The following SKI variants were observed in gnomAD, a reference collection of about 807,000 sequenced individuals.
SKI encodes the protein SKI proto-oncogene.
A neutral mutation model predicts 59.3 loss-of-function variants in SKI; 23 were observed. The observed-to-expected ratio is 0.39, with a 90% confidence interval of 0.28 to 0.55. The LOEUF (loss-of-function observed/expected upper bound fraction) is 0.55. Ranked by LOEUF, SKI falls within the 20% of genes least tolerant of loss-of-function variation. The pLI, the probability that SKI is intolerant of heterozygous loss-of-function variation, is 0.67. For missense variants in SKI, 1,017 were observed against 1,038.9 expected, an observed-to-expected ratio of 0.98 and a Z score of 0.29; for synonymous variants, 673 against 488.6, an observed-to-expected ratio of 1.38 and a Z score of -4.98.
intron 1 of SKI, among the ~76,000 whole-genome samples, chr1:2,240,151 C>G (rs1404514073): frequency 6.6e-6 from 1 of 152,216 alleles, no homozygotes; most frequent in Non-Finnish European, 1.5e-5. Context: ...GGGAGGTGGC[C>G]AGGACCCCGC....
chr1:2,291,164 G>T (rs1459980299), intron 1 of SKI, among the ~76,000 whole-genome samples: 1 of 151,168 alleles, frequency 6.6e-6, no homozygotes, highest in Non-Finnish European at 1.5e-5. Flanking sequence ...CTGTTCTTGG[G>T]AGTCTGTTTA....
intron 1 of SKI, among the ~76,000 whole-genome samples, chr1:2,264,822 G>GT (rs760721901): frequency 2.3e-4 from 35 of 150,914 alleles, no homozygotes; most frequent in Non-Finnish European, 4.4e-4. Flanking sequence ...TCTTTCCTTT[G>GT]TTTTTTTGAG....
At position 2,304,073 on chromosome 1, in the gene SKI, C is replaced by A; in HGVS notation, c.1445C>A (p.Ala482Glu). ...AAPEEDKDSE[A>E]EVEVESREEF... The stretch of plus-strand genomic sequence containing the variant: ...CCAGAGGAGGACAAGGACTCGGAGG[C>A]GGAGGTGGAAGTTGAAAGCAGGGAG... Residue 482 changes from alanine (A) to glutamate (E), a missense_variant, in exon 4 of 7, where the codon GCG (alanine) becomes GAG (glutamate). Physicochemically the swap from Ala to Glu is moderately radical, Grantham distance 107 (BLOSUM62 -1). Coordinates refer to ENST00000378536, the MANE Select transcript of SKI (RefSeq NM_003036.4). 1 of 1,612,570 alleles carries A rather than the reference C, an allele frequency of 6.2e-7. No individual in the cohort carries two copies. Among genetic ancestry groups the A allele is most frequent in the Non-Finnish European group, 8.5e-7 (1 of 1,179,908 alleles).
At chr1:2,275,721 C>T (rs1639727516) in intron 1 of SKI, among the ~76,000 whole-genome samples, 1 of 152,196 alleles carries the variant, frequency 6.6e-6, no homozygotes, top group South Asian at 2.1e-4. Context: ...ACCGTGTTAG[C>T]CAGGATGCTC....
rs1638552000 is a variant in SKI at position 2,228,493 on chromosome 1, G to T, written c.-274G>T. ...CCCGGGGGGCGCGCGGGGGACGCGC[G>T]GGGGGCCCGGGCGGCGGCGGGCGCG... is the stretch of plus-strand genomic sequence containing the variant. On this transcript the variant is annotated 5_prime_UTR_variant, in exon 1 of 7. Transcript: ENST00000378536. Among the ~76,000 whole-genome samples, 1 of 142,842 alleles carries T rather than the reference G, an allele frequency of 7.0e-6. No individual in the cohort carries two copies. Among genetic ancestry groups the T allele is most frequent in the Non-Finnish European group, 1.5e-5 (1 of 64,550 alleles). The allele number at this position is 142,842 out of a possible 152,430, so 93.7% of individuals were successfully genotyped here. A position where few individuals can be genotyped will look rare whatever the true frequency, so the allele number is the denominator to read the frequency against.
At chr1:2,298,335 T>A (rs1452819622) in intron 1 of SKI, among the ~76,000 whole-genome samples, 2 of 152,160 alleles carry the variant, frequency 1.3e-5, no homozygotes, top group Non-Finnish European at 2.9e-5. Context: ...TCTGCGAAGT[T>A]CCCTGTGGTT....
chr1:2,232,999 A>AT (rs1376390752), intron 1 of SKI, among the ~76,000 whole-genome samples: 2 of 152,038 alleles, frequency 1.3e-5, no homozygotes, highest in African/African-American at 2.4e-5. Context: ...ATTGGACTAC[A>AT]TTTTTTTGTC....
At chr1:2,231,360 T>G (rs989996023) in intron 1 of SKI, among the ~76,000 whole-genome samples, 10 of 152,034 alleles carry the variant, frequency 6.6e-5, no homozygotes, top group African/African-American at 2.2e-4. Context: ...GTGTCTGCGT[T>G]TGTTTTTGTC....
chr1:2,288,858 A>G (rs926151231), intron 1 of SKI, among the ~76,000 whole-genome samples: 1 of 151,750 alleles, frequency 6.6e-6, no homozygotes, highest in East Asian at 1.9e-4. Flanking sequence ...TCTTCCAAAA[A>G]CTACCCCCTC....
intron 1 of SKI, among the ~76,000 whole-genome samples, chr1:2,291,036 G>A (rs1162477359): frequency 2.6e-5 from 4 of 152,212 alleles, no homozygotes; most frequent in African/African-American, 9.6e-5. Context: ...CCAGCCAGTC[G>A]CTGGCAGGAG....
At chr1:2,251,316 TCTCA>T (rs1346154005) in intron 1 of SKI, among the ~76,000 whole-genome samples, 1 of 152,010 alleles carries the variant, frequency 6.6e-6, no homozygotes, top group African/African-American at 2.4e-5. Context: ...AGAGATGGGG[TCTCA>T]CTCTGTGGCC....
chr1:2,238,961 G>C (rs1050770775), intron 1 of SKI, among the ~76,000 whole-genome samples: 123 of 152,304 alleles, frequency 8.1e-4, no homozygotes, highest in African/African-American at 2.8e-3. Context: ...GACCTGGAGG[G>C]GGGTGGGGAC....
At chr1:2,289,786 C>T (rs1384641395) in intron 1 of SKI, among the ~76,000 whole-genome samples, 3 of 152,170 alleles carry the variant, frequency 2.0e-5, no homozygotes, top group Admixed American at 6.5e-5. Flanking sequence ...GGTTTGGAAA[C>T]AGCAGAGAAG....
intron 1 of SKI, among the ~76,000 whole-genome samples, chr1:2,271,345 G>T (rs1008115553): frequency 1.3e-5 from 2 of 152,026 alleles, no homozygotes; most frequent in Non-Finnish European, 2.9e-5. Context: ...CCAGGCCAGA[G>T]AAACCAGGCA....
intron 1 of SKI, among the ~76,000 whole-genome samples, chr1:2,237,107 G>T (rs1014665092): frequency 6.6e-6 from 1 of 152,184 alleles, no homozygotes; most frequent in Non-Finnish European, 1.5e-5. Flanking sequence ...TTCCCGACCA[G>T]ACCTGACCCC....
chr1:2,306,364 AC>A, intron 6 of SKI, 114 bp downstream of exon 6: 1 of 1,128,880 alleles, frequency 8.9e-7, no homozygotes, highest in Non-Finnish European at 1.2e-6. Context: ...CAGGCCCGGG[AC>A]CACGTTCCGT....
intron 1 of SKI, among the ~76,000 whole-genome samples, chr1:2,253,201 C>T (rs1223769803): frequency 6.6e-6 from 1 of 152,240 alleles, no homozygotes; most frequent in African/African-American, 2.4e-5. Context: ...GCCTGCAGCG[C>T]AGCCTCCCCT....
intron 1 of SKI, among the ~76,000 whole-genome samples, chr1:2,266,317 G>A (rs1052923706): frequency 6.6e-6 from 1 of 152,228 alleles, no homozygotes; most frequent in South Asian, 2.1e-4. Flanking sequence ...TGGGGTCTGC[G>A]GAATTGCCAG....
In SKI at chr1:2,285,320, A is replaced by C. The variant is rs190513865; in HGVS notation, c.970-17658A>C. On this transcript the variant is annotated intron_variant, in intron 1 of 6. Coordinates refer to ENST00000378536, the MANE Select transcript of SKI (RefSeq NM_003036.4). The stretch of plus-strand genomic sequence containing the variant: ...CTGAGGTCAGGAGTTCAAGACCAGC[A>C]TGGCCAACATGGTGAAACCCAATCT... 6.0e-4 allele frequency among the ~76,000 whole-genome samples: 92 copies of C among 152,142 alleles called. No homozygotes were observed. In the East Asian group the frequency reaches 0.018, roughly 29 times the overall value.
Sources: gnomAD v4.1 joint callset for allele counts (sites outside exome capture counted in the v4.1 genomes callset) on GRCh38, gnomAD v4.1.1 for gene constraint, MANE v1.5 for transcripts, NCBI Gene and HGNC (gene_info 2026-07-23, HGNC 2026-07-21) for gene names.